TAFA2: variants seen among roughly 807,000 people sequenced by gnomAD.
The protein encoded by TAFA2 is chemokine-like protein TAFA-2.
A neutral mutation model predicts 18.8 loss-of-function variants in TAFA2; 7 were observed. That is an observed-to-expected ratio of 0.37 (90% CI 0.21 to 0.70). The LOEUF (loss-of-function observed/expected upper bound fraction) is 0.70. TAFA2 is among the 30% of genes least tolerant of loss of function. TAFA2 has a pLI of 0.53. For synonymous variants in TAFA2, 60 were observed against 54.2 expected (o/e 1.11, Z -0.47); for missense variants, 122 against 158.1 (o/e 0.77, Z 1.23).
At chr12:62,021,531 T>C in intron 1 of TAFA2, 2 of 561,960 alleles carry the variant, frequency 3.6e-6, no homozygotes, top group Admixed American at 4.4e-5. Context: ...CAGAACAACA[T>C]CCAGACTCCA....
At chr12:62,173,714 A>C (rs7973394) in intron 1 of TAFA2, among the ~76,000 whole-genome samples, 139,201 of 152,262 alleles carry the variant, frequency 0.91, 63,749 homozygotes, top group Middle Eastern at 0.95. Context: ...GCTAAGTATC[A>C]AACAACCTCT....
intron 1 of TAFA2, among the ~76,000 whole-genome samples, chr12:62,036,747 G>A (rs1450320102): frequency 6.6e-6 from 1 of 152,050 alleles, no homozygotes; most frequent in East Asian, 1.9e-4. Flanking sequence ...CACAAAACTA[G>A]GAAATCAAAT....
intron 4 of TAFA2, among the ~76,000 whole-genome samples, chr12:61,726,649 T>C (rs1870180734): frequency 6.6e-6 from 1 of 152,092 alleles, no homozygotes; most frequent in Admixed American, 6.6e-5. Flanking sequence ...TCCTTAGGGT[T>C]TTCTAGGTAT....
At chr12:61,916,451 G>A (rs74096114) in intron 1 of TAFA2, among the ~76,000 whole-genome samples, 1 of 152,262 alleles carries the variant, frequency 6.6e-6, no homozygotes, top group African/African-American at 2.4e-5. Context: ...ACAGAAAAGG[G>A]TTGATAAATG....
intron 1 of TAFA2, among the ~76,000 whole-genome samples, chr12:61,904,015 T>A (rs1876231881): frequency 6.6e-6 from 1 of 152,234 alleles, no homozygotes; most frequent in African/African-American, 2.4e-5. Context: ...ACTGAAGATT[T>A]CTGTATCTTC....
At chr12:61,865,305 A>T (rs1565661215) in intron 2 of TAFA2, among the ~76,000 whole-genome samples, 2 of 152,256 alleles carry the variant, frequency 1.3e-5, no homozygotes. Context: ...ACTAGTAATC[A>T]TTTTATGAAC....
intron 1 of TAFA2, among the ~76,000 whole-genome samples, chr12:61,992,443 C>T (rs1880043496): frequency 6.6e-6 from 1 of 152,166 alleles, no homozygotes; most frequent in Non-Finnish European, 1.5e-5. Flanking sequence ...TTCCACCACT[C>T]CCTAAACCCT....
intron 1 of TAFA2, among the ~76,000 whole-genome samples, chr12:62,162,223 A>T (rs2062411555): frequency 6.6e-6 from 1 of 152,218 alleles, no homozygotes. Context: ...CAGCTTCAGC[A>T]AGCATCTCGC....
rs1875967914 is a variant in TAFA2, at chr12:61,898,752, T to A, written c.-1-31326A>T. Among the ~76,000 whole-genome samples, 4 of 152,330 alleles carry A rather than the reference T, an allele frequency of 2.6e-5. No individual in the cohort carries two copies. In the South Asian group the frequency reaches 8.3e-4, roughly 32 times the overall value. On this transcript the variant is annotated intron_variant, in intron 1 of 4. Coordinates refer to ENST00000416284, the MANE Select transcript of TAFA2 (RefSeq NM_178539.5). Reference sequence around the variant, plus strand: ...AGGTCTCTGACATGCCCTGGAGTCATGTTCCCCATTGACTTGATGATTAAC... The same window carrying A: ...AGGTCTCTGACATGCCCTGGAGTCAAGTTCCCCATTGACTTGATGATTAAC...
At chr12:62,069,245 C>T (rs958968981) in intron 1 of TAFA2, among the ~76,000 whole-genome samples, 1 of 152,104 alleles carries the variant, frequency 6.6e-6, no homozygotes, top group Non-Finnish European at 1.5e-5. Flanking sequence ...ACAGCAAATC[C>T]CTAATGGCAT....
intron 2 of TAFA2, among the ~76,000 whole-genome samples, chr12:61,805,732 T>C (rs961069594): frequency 6.6e-6 from 1 of 152,140 alleles, no homozygotes; most frequent in Non-Finnish European, 1.5e-5. Context: ...GGCAACTTAT[T>C]TAATTGTAAC....
chr12:61,909,423 G>T (rs935626990), intron 1 of TAFA2, among the ~76,000 whole-genome samples: 2 of 152,148 alleles, frequency 1.3e-5, no homozygotes, highest in Non-Finnish European at 1.5e-5. Flanking sequence ...CATCATATGG[G>T]AAAATGTCAA....
At chr12:62,143,821 T>A (rs1322066456) in intron 1 of TAFA2, among the ~76,000 whole-genome samples, 1 of 151,904 alleles carries the variant, frequency 6.6e-6, no homozygotes, top group African/African-American at 2.4e-5. Context: ...GGCAGGTGGA[T>A]GGCTTGAGCT....
intron 1 of TAFA2, among the ~76,000 whole-genome samples, chr12:61,877,469 A>G (rs80267701): frequency 1.3e-5 from 2 of 152,268 alleles, no homozygotes; most frequent in African/African-American, 2.4e-5. Flanking sequence ...GATGTATTCT[A>G]TTGTGAAATT....
intron 1 of TAFA2, among the ~76,000 whole-genome samples, chr12:62,173,084 A>G (rs2062489418): frequency 1.3e-5 from 2 of 151,580 alleles, no homozygotes; most frequent in African/African-American, 4.9e-5. Flanking sequence ...TGTTAGCTTC[A>G]TGTCCTTATT....
At chr12:61,868,879 C>T (rs777069209) in intron 1 of TAFA2, among the ~76,000 whole-genome samples, 2 of 152,044 alleles carry the variant, frequency 1.3e-5, no homozygotes, top group Non-Finnish European at 2.9e-5. Context: ...TTGGCCTTTA[C>T]CTGACTTTAC....
At chr12:61,854,101 G>A (rs561395311) in intron 2 of TAFA2, among the ~76,000 whole-genome samples, 2 of 152,274 alleles carry the variant, frequency 1.3e-5, no homozygotes, top group South Asian at 4.1e-4. Flanking sequence ...TCAATTATTT[G>A]AGGAAAGCTT....
chr12:61,999,641 C>T (rs1374282058), intron 1 of TAFA2, among the ~76,000 whole-genome samples: 2 of 152,176 alleles, frequency 1.3e-5, no homozygotes, highest in African/African-American at 4.8e-5. Context: ...CCACCTGTGC[C>T]TGTTTCTGTA....
chr12:61,897,654 T>G (rs12299917), intron 1 of TAFA2, among the ~76,000 whole-genome samples: 11,893 of 152,122 alleles, frequency 0.078, 1,612 homozygotes, highest in African/African-American at 0.27. Flanking sequence ...TTCCCCATGA[T>G]CCAATCACCT....
Sources: allele counts gnomAD v4.1 joint callset (sites outside exome capture counted in the v4.1 genomes callset), GRCh38; gene constraint gnomAD v4.1.1; transcripts MANE v1.5; gene names NCBI Gene and HGNC (gene_info 2026-07-23, HGNC 2026-07-21).